ENOX1: variants seen among roughly 807,000 people sequenced by gnomAD.
The protein encoded by ENOX1 is ecto-NOX disulfide-thiol exchanger 1, also known as candidate growth-related and time keeping constitutive hydroquinone (NADH) oxidase.
A neutral mutation model predicts 82.5 loss-of-function variants in ENOX1; 42 were observed. The observed-to-expected ratio is 0.51, with a 90% CI of 0.40 to 0.66. The LOEUF (loss-of-function observed/expected upper bound fraction) is 0.66. Ranked by LOEUF, ENOX1 falls within the 30% of genes least tolerant of loss-of-function variation. The pLI is 0.00. For synonymous variants in ENOX1, 271 were observed against 282.2 expected, an observed-to-expected ratio of 0.96 and a Z score of 0.40; for missense variants, 608 against 811.6, an observed-to-expected ratio of 0.75 and a Z score of 3.05.
chr13:43,662,312 C>T (rs2084774437), intron 2 of ENOX1, among the ~76,000 whole-genome samples: 1 of 152,166 alleles, frequency 6.6e-6, no homozygotes, highest in African/African-American at 2.4e-5. Context: ...GTCTCCAGAT[C>T]TGCAACTGAG....
chr13:43,361,599 A>G (rs992723405), intron 5 of ENOX1, 147 bp from the exon 6 acceptor site: 4 of 693,658 alleles, frequency 5.8e-6, no homozygotes, highest in Non-Finnish European at 9.1e-6. Flanking sequence ...ATAGAAAGCT[A>G]TGCCAGAAGG....
chr13:43,750,049 G>T (rs1950228581), intron 1 of ENOX1, among the ~76,000 whole-genome samples: 1 of 152,054 alleles, frequency 6.6e-6, no homozygotes, highest in South Asian at 2.1e-4. Flanking sequence ...ACAATTAAAA[G>T]GTTATTAAAT....
At chr13:43,367,912 T>C (rs939874856) in intron 5 of ENOX1, among the ~76,000 whole-genome samples, 1 of 152,218 alleles carries the variant, frequency 6.6e-6, no homozygotes, top group African/African-American at 2.4e-5. Flanking sequence ...AATGTTCTCT[T>C]AGGAGAAATG....
intron 1 of ENOX1, among the ~76,000 whole-genome samples, chr13:43,742,681 A>G (rs1182365564): frequency 6.6e-6 from 1 of 152,172 alleles, no homozygotes; most frequent in Non-Finnish European, 1.5e-5. Context: ...AATTAACCAC[A>G]CACCAAATAA....
chr13:43,738,614 A>G (rs2089743991), intron 1 of ENOX1, among the ~76,000 whole-genome samples: 1 of 152,228 alleles, frequency 6.6e-6, no homozygotes, highest in Admixed American at 6.5e-5. Flanking sequence ...AAAAATATAT[A>G]AAGCAAGTAA....
chr13:43,454,181 T>C (rs1356386497), intron 3 of ENOX1, among the ~76,000 whole-genome samples: 1 of 152,150 alleles, frequency 6.6e-6, no homozygotes, highest in African/African-American at 2.4e-5. Flanking sequence ...AATAGTATTA[T>C]AAGGCCTATA....
intron 3 of ENOX1, among the ~76,000 whole-genome samples, chr13:43,438,033 G>A (rs2056136540): frequency 6.6e-6 from 1 of 152,194 alleles, no homozygotes; most frequent in Admixed American, 6.5e-5. Flanking sequence ...ATACTTCTGT[G>A]TGAAAAGTAT....
intron 2 of ENOX1, among the ~76,000 whole-genome samples, chr13:43,595,551 C>T (rs190211424): frequency 8.7e-4 from 132 of 152,288 alleles, no homozygotes; most frequent in Non-Finnish European, 1.5e-3. Context: ...GAAGAGTTAA[C>T]TGCTCTTTTA....
chr13:43,557,697 C>G (rs1286945541), intron 2 of ENOX1, among the ~76,000 whole-genome samples: 1 of 152,152 alleles, frequency 6.6e-6, no homozygotes, highest in African/African-American at 2.4e-5. Flanking sequence ...ACTCAGGAGG[C>G]TGAGGCAGGA....
chr13:43,326,549 CA>C (rs1566520388), intron 9 of ENOX1, 24 bp from the exon 10 acceptor site: 2 of 1,583,682 alleles, frequency 1.3e-6, no homozygotes, highest in Admixed American at 3.3e-5. Flanking sequence ...GGAAGTCAAA[CA>C]AGACAAGTAA....
chr13:43,412,726 T>C, intron 4 of ENOX1, 119 bp downstream of exon 4: 1 of 1,129,828 alleles, frequency 8.9e-7, no homozygotes, highest in Non-Finnish European at 1.2e-6. Context: ...TTCTACAGAC[T>C]GATTTCTTTA....
At chr13:43,677,678 C>T (rs1041971719) in intron 1 of ENOX1, among the ~76,000 whole-genome samples, 4 of 151,992 alleles carry the variant, frequency 2.6e-5, no homozygotes, top group South Asian at 4.2e-4. Flanking sequence ...CTTTGCAAAG[C>T]ATTTTTTTAC....
rs73178334 is a variant in ENOX1, at chr13:43,336,625, C to T, written c.1036+7913G>A. ...ATTTGCACAGAGTAATATCTGATTG[C>T]CTGTTCTATGATCACTTTAGGAGCT... On this transcript the variant is annotated intron_variant, in intron 9 of 16. Transcript: ENST00000690772. Among the ~76,000 whole-genome samples, 919 of 152,304 alleles carry T rather than the reference C, an allele frequency of 6.0e-3. 1 individual carries two copies. Among genetic ancestry groups the T allele is most frequent in the Middle Eastern group, 0.01 (3 of 294 alleles).
chr13:43,548,239 A>C (rs2079048600), intron 2 of ENOX1, among the ~76,000 whole-genome samples: 1 of 151,980 alleles, frequency 6.6e-6, no homozygotes, highest in Non-Finnish European at 1.5e-5. Context: ...AAAATAACAA[A>C]ATTTCATAAA....
At chr13:43,739,283 C>A (rs2089782745) in intron 1 of ENOX1, among the ~76,000 whole-genome samples, 1 of 152,072 alleles carries the variant, frequency 6.6e-6, no homozygotes, top group Non-Finnish European at 1.5e-5. Context: ...TGTGGTGGCT[C>A]ACACCTGTAA....
chr13:43,517,792 T>C (rs1476004287), intron 2 of ENOX1, among the ~76,000 whole-genome samples: 4 of 152,090 alleles, frequency 2.6e-5, no homozygotes, highest in Admixed American at 2.6e-4. Flanking sequence ...ATCACTAGAA[T>C]GGGATTAGTG....
chr13:43,430,627 T>A (rs1251910006), intron 3 of ENOX1, among the ~76,000 whole-genome samples: 1 of 152,224 alleles, frequency 6.6e-6, no homozygotes, highest in East Asian at 1.9e-4. Context: ...AGGCACAATG[T>A]CCACAATTAG....
At chr13:43,231,443 T>G (rs1490342422) in intron 15 of ENOX1, among the ~76,000 whole-genome samples, 1 of 152,218 alleles carries the variant, frequency 6.6e-6, no homozygotes, top group Non-Finnish European at 1.5e-5. Flanking sequence ...AGCTTTAATT[T>G]TCCAAAAAAG....
chr13:43,537,506 T>C (rs969985844), intron 2 of ENOX1, among the ~76,000 whole-genome samples: 2 of 152,226 alleles, frequency 1.3e-5, no homozygotes, highest in African/African-American at 4.8e-5. Context: ...GATTTGTTTT[T>C]ATCCCCAGGA....
Sources: allele counts gnomAD v4.1 joint callset (sites outside exome capture counted in the v4.1 genomes callset), GRCh38; gene constraint gnomAD v4.1.1; transcripts MANE v1.5; gene names NCBI Gene and HGNC (gene_info 2026-07-23, HGNC 2026-07-21).